Variants in HAO1 observed in about 807,000 individuals in gnomAD.
The protein encoded by HAO1 is hydroxyacid oxidase 1.
Under a neutral mutation model 39.7 loss-of-function variants are expected in HAO1, and 34 were observed. That is an observed-to-expected ratio of 0.86 (90% CI 0.65 to 1.14). The LOEUF is 1.14. HAO1 is among the 50% of genes most tolerant of loss of function. HAO1 has a pLI of 0.00. For missense variants in HAO1, 479 were observed against 464.5 expected (o/e 1.03, Z -0.29); for synonymous variants, 172 against 173.2 (o/e 0.99, Z 0.05).
chr20:7,890,233 G>C (rs574618754), intron 5 of HAO1, among the ~76,000 whole-genome samples: 40 of 152,020 alleles, frequency 2.6e-4, no homozygotes, highest in African/African-American at 9.4e-4. Context: ...TTGTTTTTGA[G>C]ACAGAGTCTT....
chr20:7,891,385 T>C (rs1383167483), intron 5 of HAO1, among the ~76,000 whole-genome samples: 2 of 152,224 alleles, frequency 1.3e-5, no homozygotes, highest in Admixed American at 6.5e-5. Context: ...CACTTTTTGA[T>C]CAGATTGTTT....
intron 2 of HAO1, among the ~76,000 whole-genome samples, chr20:7,928,947 C>T (rs1035515670): frequency 6.6e-6 from 1 of 152,158 alleles, no homozygotes. Context: ...GATTTGGCAA[C>T]CCCACATCCC....
Position 7,885,807 on chromosome 20 carries a change from C to T in HAO1, c.871G>A (p.Asp291Asn). ...TCAGTGCCTTTCCGCACACCCCCGTCCAGGAAGACTTCCACCTTCCCTTCC... is the reference window on the plus strand; with the variant it reads ...TCAGTGCCTTTCCGCACACCCCCGTTCAGGAAGACTTCCACCTTCCCTTCC... Reference protein sequence around the residue: ...AVEGKVEVFLDGGVRKGTDVL... With the variant: ...AVEGKVEVFLNGGVRKGTDVL... Residue 291 changes from aspartate to asparagine, a missense_variant, in exon 6 of 8, where the codon GAC becomes AAC. Physicochemically the swap from Asp to Asn is conservative, Grantham distance 23 (BLOSUM62 1). Coordinates refer to ENST00000378789, the MANE Select transcript of HAO1 (RefSeq NM_017545.3). The T allele has an allele frequency of 6.2e-7, 1 of 1,613,328 alleles. No individual in the cohort carries two copies. The highest frequency in any genetic ancestry group is 8.5e-7 in the Non-Finnish European group (1 of 1,179,282).
At chr20:7,915,035 G>A (rs1051806655) in intron 2 of HAO1, among the ~76,000 whole-genome samples, 8 of 152,102 alleles carry the variant, frequency 5.3e-5, no homozygotes, top group Non-Finnish European at 8.8e-5. Context: ...CAGGAGAATC[G>A]CTTGAACCTA....
At chr20:7,911,699 C>G (rs530771894) in intron 3 of HAO1, among the ~76,000 whole-genome samples, 2 of 152,346 alleles carry the variant, frequency 1.3e-5, no homozygotes, top group East Asian at 3.9e-4. Flanking sequence ...GACCCTCCCC[C>G]ACACTTGGGC....
At chr20:7,900,377 T>C (rs898949293) in intron 4 of HAO1, among the ~76,000 whole-genome samples, 2 of 152,152 alleles carry the variant, frequency 1.3e-5, no homozygotes, top group African/African-American at 4.8e-5. Flanking sequence ...AATTAAGGTA[T>C]GTACAATGCT....
At chr20:7,929,319 T>C (rs1194634090) in intron 2 of HAO1, among the ~76,000 whole-genome samples, 1 of 152,062 alleles carries the variant, frequency 6.6e-6, no homozygotes, top group East Asian at 1.9e-4. Context: ...GAGGGGCAAA[T>C]AAAGATAGTG....
chr20:7,910,918 T>G (rs370539603), intron 3 of HAO1, among the ~76,000 whole-genome samples: 1 of 152,124 alleles, frequency 6.6e-6, no homozygotes, highest in Admixed American at 6.5e-5. Context: ...CATATTTGCA[T>G]CTCTACCATC....
At chr20:7,892,735 C>A (rs886663001) in intron 5 of HAO1, among the ~76,000 whole-genome samples, 2 of 151,926 alleles carry the variant, frequency 1.3e-5, no homozygotes, top group African/African-American at 2.4e-5. Flanking sequence ...GGAAAGTTCA[C>A]CCACATTACT....
intron 4 of HAO1, among the ~76,000 whole-genome samples, chr20:7,898,129 T>C (rs542244218): frequency 2.6e-5 from 4 of 152,200 alleles, no homozygotes; most frequent in Non-Finnish European, 5.9e-5. Context: ...GTGTCCACTG[T>C]TGCATAAGAA....
intron 5 of HAO1, among the ~76,000 whole-genome samples, chr20:7,891,808 A>G (rs555828721): frequency 6.6e-6 from 1 of 152,256 alleles, no homozygotes; most frequent in South Asian, 2.1e-4. Flanking sequence ...CTTAAAATCT[A>G]GTTAGATTTG....
At chr20:7,919,123 G>T (rs2050319900) in intron 2 of HAO1, among the ~76,000 whole-genome samples, 1 of 152,170 alleles carries the variant, frequency 6.6e-6, no homozygotes, top group Non-Finnish European at 1.5e-5. Flanking sequence ...CTCTTGCCTA[G>T]AATGAAGTTC....
At chr20:7,888,582 C>T (rs1438686100) in intron 5 of HAO1, among the ~76,000 whole-genome samples, 1 of 152,152 alleles carries the variant, frequency 6.6e-6, no homozygotes, top group African/African-American at 2.4e-5. Context: ...GTCTACCCAC[C>T]CTACCCATCA....
intron 3 of HAO1, among the ~76,000 whole-genome samples, chr20:7,912,228 A>G (rs564453130): frequency 2.6e-5 from 4 of 152,284 alleles, no homozygotes; most frequent in African/African-American, 9.6e-5. Context: ...GCCCAGGAGC[A>G]AAAGAAAAGG....
intron 3 of HAO1, among the ~76,000 whole-genome samples, chr20:7,909,379 G>GCA (rs1290809869): frequency 9.2e-6 from 1 of 108,240 alleles, no homozygotes; most frequent in Non-Finnish European, 1.7e-5. Flanking sequence ...ATATATATAT[G>GCA]TATATATATA....
At chr20:7,897,279 GAT>G (rs2122758741) in intron 4 of HAO1, among the ~76,000 whole-genome samples, 1 of 152,282 alleles carries the variant, frequency 6.6e-6, no homozygotes, top group South Asian at 2.1e-4. Context: ...TAAGGAACGT[GAT>G]AAGTTGTGAT....
At chr20:7,921,965 G>A (rs567544152) in intron 2 of HAO1, among the ~76,000 whole-genome samples, 2 of 152,156 alleles carry the variant, frequency 1.3e-5, no homozygotes, top group South Asian at 4.1e-4. Context: ...AGTGGGGTTG[G>A]GAGGGGGAAA....
chr20:7,883,419 A>G lies in HAO1; in HGVS notation c.*174T>C. ...TTTCTAAAAGGTTCCTAGGACACCC[A>G]TTGAAAAGTCAAAAGCAATGAAATA... On this transcript the variant is annotated 3_prime_UTR_variant, in exon 8 of 8. Coordinates refer to ENST00000378789, the MANE Select transcript of HAO1 (RefSeq NM_017545.3). 1.7e-6 allele frequency: 1 copy of G among 599,626 alleles called. No homozygotes were observed. Among genetic ancestry groups the G allele is most frequent in the Non-Finnish European group, 3.0e-6 (1 of 334,110 alleles). 37.1% of individuals were successfully genotyped at this position (599,626 alleles called of 1,614,324 possible).
chr20:7,914,177 G>A lies in HAO1; in HGVS notation c.532C>T (p.Pro178Ser), dbSNP rs753336880. ...LDDVRNRFKL[P>S]PQLRMKNFET... is the part of the protein sequence containing the mutation. ...GATCATGGTTACCTGAGTTGTGGCG[G>A]CAGTTTGAATCTGTTACGCACATCA... The change falls in exon 3 of 8, where the codon CCG becomes TCG. Residue 178 changes from proline (P) to serine (S), a missense_variant. Physicochemically the swap from Pro to Ser is moderately conservative, Grantham distance 74 (BLOSUM62 -1). Coordinates refer to ENST00000378789, the MANE Select transcript of HAO1 (RefSeq NM_017545.3). 1.9e-5 allele frequency: 31 copies of A among 1,613,934 alleles called. No individual in the cohort carries two copies. Among genetic ancestry groups the A allele is most frequent in the Non-Finnish European group, 2.1e-5 (25 of 1,179,856 alleles).
Sources: gnomAD v4.1 joint callset for allele counts (sites outside exome capture counted in the v4.1 genomes callset) on GRCh38, gnomAD v4.1.1 for gene constraint, MANE v1.5 for transcripts, NCBI Gene and HGNC (gene_info 2026-07-23, HGNC 2026-07-21) for gene names.